ERN2: variants seen among roughly 807,000 people sequenced by gnomAD.
The protein encoded by ERN2 is endoplasmic reticulum to nucleus signaling 2.
ERN2 carries 111 observed loss-of-function variants against 107.9 expected under a neutral mutation model. The observed-to-expected ratio is 1.03, with a 90% CI of 0.88 to 1.20. The LOEUF is 1.20. ERN2 is among the 50% of genes most tolerant of loss of function. The pLI is 0.00. For synonymous variants in ERN2, 524 were observed against 501.7 expected (o/e 1.04, Z -0.59); for missense variants, 1,225 against 1,197.9 (o/e 1.02, Z -0.33).
At chr16:23,710,072 A>G (rs1411719794) in intron 4 of ERN2, 100 bp downstream of exon 4, 3 of 802,710 alleles carry the variant, frequency 3.7e-6, no homozygotes, top group Non-Finnish European at 6.5e-6. Context: ...TATCCTCTGC[A>G]GAACAGGAGA....
At chr16:23,700,784 G>C in intron 12 of ERN2, 80 bp from the exon 13 acceptor site, 1 of 1,515,570 alleles carries the variant, frequency 6.6e-7, no homozygotes, top group South Asian at 1.3e-5. Flanking sequence ...GACTGAGATG[G>C]CCTCACCAGA....
rs1040559772 is a variant in ERN2, at chr16:23,707,044, G to A, written c.342C>T (p.Ala114=). The A allele has an allele frequency of 8.7e-6, 14 of 1,614,050 alleles. No individual in the cohort carries two copies. Among genetic ancestry groups the A allele is most frequent in the Non-Finnish European group, 1.2e-5 (14 of 1,180,000 alleles). ...CCCCATCAGAGCTGCGGCAGGGAGA[G>A]GCATGAACCAGCTCAGGGATGGTGA... ...LPFTIPELVH[A]SPCRSSDGVF... Residue 114 remains alanine, a synonymous_variant, in exon 5 of 22, where the codon GCC becomes GCT. Coordinates refer to ENST00000256797, the MANE Select transcript of ERN2 (RefSeq NM_033266.4).
At chr16:23,698,612 G>A (rs1959921158) in intron 13 of ERN2, among the ~76,000 whole-genome samples, 1 of 152,136 alleles carries the variant, frequency 6.6e-6, no homozygotes, top group Non-Finnish European at 1.5e-5. Context: ...TTGAGGTGGA[G>A]TCTTGCTCTG....
At position 23,705,130 on chromosome 16, in the gene ERN2, ACGCCAGGTGGCTCATGT is replaced by A; in HGVS notation, c.590_606del (p.Tyr197PhefsTer92). Reference sequence around the variant, plus strand: ...GTGAGCAGCAGGCCCATCCCGCAGGACGCCAGGTGGCTCATGTCTGCCGAGAAAGGTGGCTGGGGAGA... The same window carrying A: ...GTGAGCAGCAGGCCCATCCCGCAGGACTGCCGAGAAAGGTGGCTGGGGAGA... On this transcript the variant is annotated frameshift_variant and splice_region_variant, in exon 8 of 22. Coordinates refer to ENST00000256797, the MANE Select transcript of ERN2 (RefSeq NM_033266.4). LOFTEE classifies it high-confidence loss of function. 6.2e-7 allele frequency: 1 copy of A among 1,612,122 alleles called. No individual in the cohort carries two copies. The highest frequency in any genetic ancestry group is 2.2e-5 in the East Asian group (1 of 44,810).
intron 17 of ERN2, among the ~76,000 whole-genome samples, chr16:23,694,488 C>A (rs1157226263): frequency 6.6e-6 from 1 of 152,224 alleles, no homozygotes; most frequent in Non-Finnish European, 1.5e-5. Flanking sequence ...CCTCCCAAGT[C>A]ATGGCAGTCA....
At position 23,691,055 on chromosome 16, in the gene ERN2, T is replaced by G. The variant is rs1244014933; in HGVS notation, c.2569-12A>C. 1 of 1,613,926 alleles carries G rather than the reference T, an allele frequency of 6.2e-7. No individual in the cohort carries two copies. The highest frequency in any genetic ancestry group is 1.3e-5 in the African/African-American group (1 of 74,892). On this transcript the variant is annotated splice_polypyrimidine_tract_variant and intron_variant, in intron 21 of 21. Coordinates refer to ENST00000256797, the MANE Select transcript of ERN2 (RefSeq NM_033266.4). ...CTGTAGTGGTGCTTCTGTGGGTAGG[T>G]AGAGCAGAGAACCCTGGCTCAGCTG... is the stretch of plus-strand genomic sequence containing the variant.
intron 13 of ERN2, among the ~76,000 whole-genome samples, chr16:23,698,918 G>A (rs1959934521): frequency 6.6e-6 from 1 of 152,306 alleles, no homozygotes; most frequent in East Asian, 1.9e-4. Context: ...AAAGTTGGCT[G>A]TGACTCCACT....
In ERN2 at chr16:23,699,806, G is replaced by A. The variant is rs899584360; in HGVS notation, c.1525+733C>T. On this transcript the variant is annotated intron_variant, in intron 13 of 21. Coordinates refer to ENST00000256797, the MANE Select transcript of ERN2 (RefSeq NM_033266.4). ...AAAGGTACTAAATTGTACAAAGGTCGTTTACTATTATTGTTTCCAAATATA... is the reference window on the plus strand; with the variant it reads ...AAAGGTACTAAATTGTACAAAGGTCATTTACTATTATTGTTTCCAAATATA... 5.3e-5 allele frequency among the ~76,000 whole-genome samples: 8 copies of A among 152,000 alleles called. 1 individual carries two copies. The highest frequency in any genetic ancestry group is 7.4e-5 in the Non-Finnish European group (5 of 68,016).
intron 8 of ERN2, among the ~76,000 whole-genome samples, chr16:23,704,499 G>C (rs1030412567): frequency 6.6e-6 from 1 of 152,170 alleles, no homozygotes; most frequent in African/African-American, 2.4e-5. Flanking sequence ...ACTTGTTCCT[G>C]CTTGCTTTCT....
chr16:23,691,569 G>T, intron 19 of ERN2, 144 bp from the exon 20 acceptor site: 2 of 993,278 alleles, frequency 2.0e-6, no homozygotes, highest in Non-Finnish European at 2.9e-6. Context: ...CCACGCCTCT[G>T]TTATTTACCA....
chr16:23,696,137 A>G (rs58228155), intron 13 of ERN2, among the ~76,000 whole-genome samples, 159 bp from the exon 14 acceptor site: 12,286 of 152,246 alleles, frequency 0.081, 748 homozygotes, highest in African/African-American at 0.16. Context: ...GACTGTCTGG[A>G]TCCAATGCCT....
rs1960270678 is a variant in ERN2 at position 23,705,540 on chromosome 16, G to A, written c.590-393C>T. Among the ~76,000 whole-genome samples, 7 of 152,134 alleles carry A rather than the reference G, an allele frequency of 4.6e-5. 2 individuals are homozygous for A. The South Asian group carries it at 1.5e-3, about 32-fold the overall frequency. On this transcript the variant is annotated intron_variant, in intron 7 of 21. Transcript: ENST00000256797. ...TGAGGTGACCTGTGTAGGGTCTCAT[G>A]CAGAATGATGGAATCAGGGCTTGAG...
chr16:23,691,184 A>G lies in ERN2; in HGVS notation c.2513T>C (p.Phe838Ser). 6.2e-7 allele frequency: 1 copy of G among 1,613,900 alleles called. No homozygotes were observed. Among genetic ancestry groups the G allele is most frequent in the Non-Finnish European group, 8.5e-7 (1 of 1,179,988 alleles). Residue 838 changes from phenylalanine to serine, a missense_variant, in exon 21 of 22, where the codon TTC (phenylalanine) becomes TCC (serine). Physicochemically the swap from Phe to Ser is radical, Grantham distance 155 (BLOSUM62 -2). Coordinates refer to ENST00000256797, the MANE Select transcript of ERN2 (RefSeq NM_033266.4). ...CACTGATGTCCCCTTATAGGACCGG[A>G]ACTTTCTCAGATCTGTGGACAGGGA... Reference protein sequence around the residue: ...SMPLQTDLRKFRSYKGTSVRD... With the variant: ...SMPLQTDLRKSRSYKGTSVRD...
Position 23,702,254 on chromosome 16 carries a change from T to G in ERN2, c.1101A>C (p.Pro367=). The G allele has an allele frequency of 6.2e-7, 1 of 1,614,128 alleles. No homozygotes were observed. Among genetic ancestry groups the G allele is most frequent in the African/African-American group, 1.3e-5 (1 of 75,038 alleles). Residue 367 remains proline, a synonymous_variant, in exon 11 of 22, where the codon CCA becomes CCC. Transcript: ENST00000256797. The part of the protein sequence containing the change: ...WLLIGHHELP[P]VLHTTMLRVH... Reference sequence around the variant, plus strand: ...CCCTCAGCATGGTGGTGTGCAGGACTGGGGGTAGCTCGTGGTGTCCTAAGG... The same window carrying G: ...CCCTCAGCATGGTGGTGTGCAGGACGGGGGGTAGCTCGTGGTGTCCTAAGG...
intron 12 of ERN2, 110 bp downstream of exon 12, chr16:23,700,849 G>A (rs1340919251): frequency 2.7e-6 from 4 of 1,469,490 alleles, no homozygotes; most frequent in Non-Finnish European, 3.7e-6. Context: ...CTGGGAGGGA[G>A]GCAGGGGGCA....
intron 4 of ERN2, 149 bp downstream of exon 4, chr16:23,710,023 C>T: frequency 1.6e-6 from 1 of 625,546 alleles, no homozygotes; most frequent in Non-Finnish European, 2.9e-6. Context: ...CAACAGGTCC[C>T]TCAGACAGCC....
intron 19 of ERN2, 121 bp downstream of exon 19, chr16:23,691,842 C>T (rs1959608708): frequency 2.9e-6 from 4 of 1,360,662 alleles, no homozygotes; most frequent in Non-Finnish European, 4.0e-6. Context: ...GGGAAAGAGC[C>T]AGGCTCCCAG....
intron 8 of ERN2, among the ~76,000 whole-genome samples, chr16:23,704,052 T>C (rs1022492094): frequency 5.3e-5 from 8 of 152,214 alleles, no homozygotes; most frequent in Non-Finnish European, 1.5e-5. Flanking sequence ...ACACAGTAAG[T>C]GCTCAATTAA....
At chr16:23,695,420 G>A in intron 14 of ERN2, 31 bp from the exon 15 acceptor site, 2 of 1,554,514 alleles carry the variant, frequency 1.3e-6, no homozygotes, top group Non-Finnish European at 1.7e-6. Context: ...GGGGCAGGGG[G>A]GCATTCAGGG....
Sources: gnomAD v4.1 joint callset for allele counts (sites outside exome capture counted in the v4.1 genomes callset) on GRCh38, gnomAD v4.1.1 for gene constraint, MANE v1.5 for transcripts, NCBI Gene and HGNC (gene_info 2026-07-23, HGNC 2026-07-21) for gene names.